Variants in HLX observed in about 807,000 individuals in gnomAD.
HLX encodes the protein H2.0-like homeobox protein.
Under a neutral mutation model 27.7 loss-of-function variants are expected in HLX, and 6 were observed. That is an observed-to-expected ratio of 0.22 (90% CI 0.12 to 0.43). The LOEUF (loss-of-function observed/expected upper bound fraction) is 0.43. Among genes scored for constraint, HLX ranks in the 20% least tolerant of loss-of-function variants. The pLI is 1.00. For synonymous variants in HLX, 328 were observed against 293.8 expected (o/e 1.12, Z -1.19); for missense variants, 666 against 655.2 (o/e 1.02, Z -0.18).
Position 220,884,655 on chromosome 1 carries a change from G to T in HLX, c.1418G>T (p.Ser473Ile). 6.2e-7 allele frequency: 1 copy of T among 1,611,004 alleles called. No individual in the cohort carries two copies. Among genetic ancestry groups the T allele is most frequent in the South Asian group, 1.1e-5 (1 of 90,954 alleles). The change falls in exon 4 of 4, where the codon AGC becomes ATC. Residue 473 changes from serine (S) to isoleucine (I), a missense_variant. Ser to Ile is a moderately radical substitution (Grantham distance 142). Coordinates refer to ENST00000366903, the MANE Select transcript of HLX (RefSeq NM_021958.4). This position sits in a 1 kb window ranked among gnomAD's most constrained non-coding sequence, Gnocchi z 4.9. Reference protein sequence around the residue: ...LLPATQPTASSAPKSPEPAQG... With the variant: ...LLPATQPTASIAPKSPEPAQG... ...CCTGCAACACAGCCCACAGCCAGCA[G>T]CGCTCCCAAAAGCCCCGAGCCAGCC... is the stretch of plus-strand genomic sequence containing the variant.
intron 1 of HLX, 148 bp from the exon 2 acceptor site, chr1:220,881,046 G>C: frequency 1.4e-6 from 1 of 730,888 alleles, no homozygotes. Context: ...CAACTGTTGG[G>C]AGAGAGAGGT....
chr1:220,884,776 T>G lies in HLX; in HGVS notation c.*72T>G, dbSNP rs1404781788. The G allele has an allele frequency of 1.3e-6, 2 of 1,564,336 alleles. No individual in the cohort carries two copies. The highest frequency in any genetic ancestry group is 2.3e-5 in the East Asian group (1 of 43,664). ...ACCATGGGCTGGGTTTTGTGCTTAC[T>G]GTATGTTGGCGACTTGGTAGGGCAG... On this transcript the variant is annotated 3_prime_UTR_variant, in exon 4 of 4. Transcript: ENST00000366903. This position sits in a 1 kb window ranked among gnomAD's most constrained non-coding sequence, Gnocchi z 4.9.
At position 220,884,003 on chromosome 1, in the gene HLX, G is replaced by A. The variant is rs1674513515; in HGVS notation, c.958-192G>A. On this transcript the variant is annotated intron_variant, in intron 3 of 3. Transcript: ENST00000366903. This position sits in a 1 kb window ranked among gnomAD's most constrained non-coding sequence, Gnocchi z 4.9. ...GTGGGTTCCCTAGGCCAGGATTCCTGGCTTCTTGTGTTCCCCTGGGCTGCC... is the reference window on the plus strand; with the variant it reads ...GTGGGTTCCCTAGGCCAGGATTCCTAGCTTCTTGTGTTCCCCTGGGCTGCC... 1.6e-6 allele frequency: 1 copy of A among 622,744 alleles called. No individual in the cohort carries two copies. Among genetic ancestry groups the A allele is most frequent in the South Asian group, 2.0e-5 (1 of 51,156 alleles). The allele number at this position is 622,744 out of a possible 1,614,324, so 38.6% of individuals were successfully genotyped here.
chr1:220,882,416 G>A (rs1674477720), intron 3 of HLX, 68 bp downstream of exon 3: 2 of 1,470,770 alleles, frequency 1.4e-6, no homozygotes. Context: ...TAGTCTGGTA[G>A]GTCCCCTCCA....
chr1:220,879,752 C>T lies in HLX; in HGVS notation c.-106C>T, dbSNP rs370813784. ...TGCGGGCGGAGAAGCGAAAGCGGAT[C>T]GTCCTCGGCTGCCGCCGCCTTCTCC... On this transcript the variant is annotated 5_prime_UTR_variant, in exon 1 of 4. Coordinates refer to ENST00000366903, the MANE Select transcript of HLX (RefSeq NM_021958.4). 3 of 1,424,322 alleles carry T rather than the reference C, an allele frequency of 2.1e-6. No individual in the cohort carries two copies. In the Admixed American group the frequency reaches 8.5e-5, roughly 40 times the overall value. 88.2% of individuals were successfully genotyped at this position (1,424,322 alleles called of 1,614,324 possible).
chr1:220,881,494 G>T (rs1674437002), intron 2 of HLX, 121 bp downstream of exon 2: 2 of 863,224 alleles, frequency 2.3e-6, no homozygotes, highest in Non-Finnish European at 3.9e-6. Flanking sequence ...GGGAGGCTAC[G>T]GAGTCAGGAG....
chr1:220,884,326 C>T lies in HLX; in HGVS notation c.1089C>T (p.Asp363=), dbSNP rs750390120. ...CCCCGGCTGCGGATGGCGAGCAGGA[C>T]GAGAGGAGCCCCAGCCGTTCTGAAG... ...GGAPAADGEQ[D]ERSPSRSEGE... is the part of the protein sequence containing the mutation. The change falls in exon 4 of 4, where the codon GAC becomes GAT. Residue 363 remains aspartate (D), a synonymous_variant. Coordinates refer to ENST00000366903, the MANE Select transcript of HLX (RefSeq NM_021958.4). This position sits in a 1 kb window ranked among gnomAD's most constrained non-coding sequence, Gnocchi z 4.9. 5 of 1,613,614 alleles carry T rather than the reference C, an allele frequency of 3.1e-6. No individual in the cohort carries two copies. Among genetic ancestry groups the T allele is most frequent in the Non-Finnish European group, 4.2e-6 (5 of 1,179,870 alleles).
At chr1:220,882,639 C>T in intron 3 of HLX, 2 of 437,592 alleles carry the variant, frequency 4.6e-6, no homozygotes, top group Admixed American at 3.6e-5. Flanking sequence ...AGCAAAAGGG[C>T]CGCTGGAAAT....
Position 220,884,793 on chromosome 1 carries a change from G to C in HLX, c.*89G>C. ...GTGCTTACTGTATGTTGGCGACTTG[G>C]TAGGGCAGGAGACGCAGCGTGGAGC... is the stretch of plus-strand genomic sequence containing the variant. On this transcript the variant is annotated 3_prime_UTR_variant, in exon 4 of 4. Coordinates refer to ENST00000366903, the MANE Select transcript of HLX (RefSeq NM_021958.4). This position sits in a 1 kb window ranked among gnomAD's most constrained non-coding sequence, Gnocchi z 4.9. The C allele has an allele frequency of 6.5e-7, 1 of 1,540,462 alleles. No homozygotes were observed.
At chr1:220,883,991 G>A in intron 3 of HLX, 1 of 611,952 alleles carries the variant, frequency 1.6e-6, no homozygotes, top group Non-Finnish European at 2.9e-6. Context: ...GGTTCCCTAG[G>A]CCAGGATTCC....
rs1442432652 is a variant in HLX at position 220,880,408 on chromosome 1, C to A, written c.551C>A (p.Ala184Glu). Residue 184 changes from alanine (A) to glutamate (E), a missense_variant, in exon 1 of 4, where the codon GCA (alanine) becomes GAA (glutamate). Ala to Glu is a moderately radical substitution (Grantham distance 107). Coordinates refer to ENST00000366903, the MANE Select transcript of HLX (RefSeq NM_021958.4). ...LKFGIDRILS[A>E]EFDPKVKEGN... ...TTTGGAATTGACCGCATTTTATCTG[C>A]AGAATTTGACCCAAAAGTCAAAGAA... The A allele has an allele frequency of 6.2e-7, 1 of 1,614,050 alleles. No individual in the cohort carries two copies. Among genetic ancestry groups the A allele is most frequent in the South Asian group, 1.1e-5 (1 of 91,088 alleles).
chr1:220,881,658 A>G, intron 2 of HLX: 1 of 519,986 alleles, frequency 1.9e-6, no homozygotes, highest in Non-Finnish European at 3.5e-6. Context: ...GGGCTTGAAA[A>G]ATGCAGCATC....
chr1:220,879,895 A>G lies in HLX; in HGVS notation c.38A>G (p.Asn13Ser). The G allele has an allele frequency of 6.3e-7, 1 of 1,592,978 alleles. No individual in the cohort carries two copies. Among genetic ancestry groups the G allele is most frequent in the Non-Finnish European group, 8.5e-7 (1 of 1,175,880 alleles). ...GGGCTGGCTCCCTTCTACGCCTCCA[A>G]CTTCAGCCTCTGGTCGGCCGCTTAC... ...AAGLAPFYAS[N>S]FSLWSAAYCS... Residue 13 changes from asparagine to serine, a missense_variant, in exon 1 of 4, where the codon AAC becomes AGC. Transcript: ENST00000366903.
chr1:220,881,978 C>G (rs1169469114), intron 2 of HLX, 186 bp from the exon 3 acceptor site: 1 of 692,536 alleles, frequency 1.4e-6, no homozygotes, highest in Non-Finnish European at 2.7e-6. Flanking sequence ...TTCCGACTGT[C>G]GTGTAAAATT....
At chr1:220,880,608 C>A in intron 1 of HLX, 159 bp downstream of exon 1, 1 of 756,902 alleles carries the variant, frequency 1.3e-6, no homozygotes, top group South Asian at 1.5e-5. Context: ...AACATTAGGT[C>A]TAAAACTCAC....
At position 220,880,276 on chromosome 1, in the gene HLX, C is replaced by T; in HGVS notation, c.419C>T (p.Pro140Leu). 3 of 1,604,530 alleles carry T rather than the reference C, an allele frequency of 1.9e-6. No individual in the cohort carries two copies. Among genetic ancestry groups the T allele is most frequent in the Non-Finnish European group, 2.5e-6 (3 of 1,178,882 alleles). The change falls in exon 1 of 4, where the codon CCT becomes CTT. Residue 140 changes from proline (P) to leucine (L), a missense_variant. Coordinates refer to ENST00000366903, the MANE Select transcript of HLX (RefSeq NM_021958.4). ...QQQPQQQQPP[P>L]PPRAGALQPP... The stretch of plus-strand genomic sequence containing the variant: ...CAGCCGCAGCAGCAACAGCCTCCGC[C>T]TCCGCCCCGGGCTGGCGCCCTGCAG...
chr1:220,881,662 C>A, intron 2 of HLX: 1 of 512,472 alleles, frequency 2.0e-6, no homozygotes, highest in East Asian at 3.6e-5. Context: ...TTGAAAAATG[C>A]AGCATCAATG....
chr1:220,882,572 T>C, intron 3 of HLX: 1 of 570,410 alleles, frequency 1.8e-6, no homozygotes. Context: ...CCCCAAGATG[T>C]GTGTCAACAA....
chr1:220,884,056 C>A lies in HLX; in HGVS notation c.958-139C>A. 1 of 853,082 alleles carries A rather than the reference C, an allele frequency of 1.2e-6. No individual in the cohort carries two copies. Among genetic ancestry groups the A allele is most frequent in the Non-Finnish European group, 1.9e-6 (1 of 522,596 alleles). 52.8% of individuals were successfully genotyped at this position (853,082 alleles called of 1,614,324 possible). A position where few individuals can be genotyped will look rare whatever the true frequency, so the allele number is the denominator to read the frequency against. On this transcript the variant is annotated intron_variant, in intron 3 of 3. Coordinates refer to ENST00000366903, the MANE Select transcript of HLX (RefSeq NM_021958.4). This position sits in a 1 kb window ranked among gnomAD's most constrained non-coding sequence, Gnocchi z 4.9. Reference sequence around the variant, plus strand: ...TTGGCTCCTGCGCCTACCACAGTGTCTGGTCCTTGGTAGAGTCGCCAAGTA... The same window carrying A: ...TTGGCTCCTGCGCCTACCACAGTGTATGGTCCTTGGTAGAGTCGCCAAGTA...
Sources: allele counts gnomAD v4.1 joint callset, GRCh38; gene constraint gnomAD v4.1.1; non-coding constraint Gnocchi (gnomAD v3.1); transcripts MANE v1.5; gene names NCBI Gene and HGNC (gene_info 2026-07-23, HGNC 2026-07-21).